The following PIK3CB variants were observed in gnomAD, a reference collection of about 807,000 sequenced individuals.
PIK3CB encodes the protein phosphatidylinositol 4,5-bisphosphate 3-kinase catalytic subunit beta isoform.
PIK3CB carries 39 observed loss-of-function variants against 136.8 expected under a neutral mutation model. The observed-to-expected ratio is 0.29, with a 90% CI of 0.22 to 0.37. PIK3CB has a LOEUF of 0.37. Among genes scored for constraint, PIK3CB ranks in the 10% least tolerant of loss-of-function variants. The pLI is 1.00. For missense variants in PIK3CB, 868 were observed against 1,275.4 expected, an observed-to-expected ratio of 0.68 and a Z score of 4.87; for synonymous variants, 428 against 436.6, an observed-to-expected ratio of 0.98 and a Z score of 0.25.
chr3:138,811,233 ACT>A (rs1192078222), intron 1 of PIK3CB, among the ~76,000 whole-genome samples: 1 of 99,040 alleles, frequency 1.0e-5, no homozygotes, highest in Non-Finnish European at 1.9e-5. Context: ...ACAGAGCAAG[ACT>A]CTGCCAAAAA....
rs34470924 is a variant in PIK3CB, at chr3:138,695,931, A to ATTTTTTTTT, written c.1771-1033_1771-1025dup. Among the ~76,000 whole-genome samples, 91 of 90,714 alleles carry ATTTTTTTTT rather than the reference A, an allele frequency of 1.0e-3. 1 individual carries two copies. Among genetic ancestry groups the ATTTTTTTTT allele is most frequent in the South Asian group, 1.2e-3 (3 of 2,506 alleles). 59.5% of individuals were successfully genotyped at this position (90,714 alleles called of 152,430 possible). On this transcript the variant is annotated intron_variant, in intron 13 of 23. Transcript: ENST00000674063. ...CCACTATGCCCAGCTAATTTTTTGT[A>ATTTTTTTTT]TTTTTTTTTTTTTTTTTTTTTTTGA... is the stretch of plus-strand genomic sequence containing the variant.
At chr3:138,765,220 G>A (rs973482266) in intron 2 of PIK3CB, among the ~76,000 whole-genome samples, 4 of 152,158 alleles carry the variant, frequency 2.6e-5, no homozygotes, top group Admixed American at 2.6e-4. Flanking sequence ...AGGAGCCTGA[G>A]GCAGGAGAAT....
chr3:138,658,965 T>C (rs1008101281), intron 21 of PIK3CB, among the ~76,000 whole-genome samples: 4 of 152,244 alleles, frequency 2.6e-5, no homozygotes, highest in African/African-American at 9.6e-5. Context: ...TGCAGAGCCA[T>C]CATCCTGGGC....
chr3:138,786,362 A>AT (rs1296262206), intron 2 of PIK3CB, among the ~76,000 whole-genome samples: 14 of 150,490 alleles, frequency 9.3e-5, no homozygotes, highest in South Asian at 2.1e-4. Context: ...TTTCTATTTA[A>AT]TTTTTTTTTT....
At chr3:138,762,255 A>C (rs2108742827) in intron 2 of PIK3CB, among the ~76,000 whole-genome samples, 1 of 152,312 alleles carries the variant, frequency 6.6e-6, no homozygotes, top group South Asian at 2.1e-4. Context: ...ATCTCAAAAA[A>C]AACAAAAAAC....
chr3:138,702,121 T>A (rs1010620608), intron 12 of PIK3CB, among the ~76,000 whole-genome samples: 26 of 136,494 alleles, frequency 1.9e-4, no homozygotes, highest in Admixed American at 1.2e-3. Context: ...TTTTTTTTTT[T>A]AAAGATACAG....
intron 1 of PIK3CB, among the ~76,000 whole-genome samples, chr3:138,812,285 G>C (rs1048556697): frequency 8.8e-4 from 134 of 151,780 alleles, no homozygotes; most frequent in Non-Finnish European, 8.4e-4. Context: ...ACCCAGGCTG[G>C]AGTGCAAATG....
intron 6 of PIK3CB, 124 bp from the exon 7 acceptor site, chr3:138,734,928 A>G: frequency 1.8e-6 from 1 of 547,494 alleles, no homozygotes. Context: ...CCACAGCAGA[A>G]TATCAAGAAA....
At chr3:138,773,732 G>A (rs1156541542) in intron 2 of PIK3CB, among the ~76,000 whole-genome samples, 4 of 151,778 alleles carry the variant, frequency 2.6e-5, no homozygotes, top group African/African-American at 7.3e-5. Flanking sequence ...CTAAATGTTC[G>A]ACCGTGTTTA....
intron 1 of PIK3CB, among the ~76,000 whole-genome samples, chr3:138,826,499 G>GT (rs34843148): frequency 0.047 from 4,530 of 95,872 alleles, 42 homozygotes; most frequent in Non-Finnish European, 0.062. Flanking sequence ...GACCATTTGG[G>GT]TTTTTTTTTT....
At chr3:138,703,965 T>C (rs2044310823) in intron 12 of PIK3CB, among the ~76,000 whole-genome samples, 2 of 152,176 alleles carry the variant, frequency 1.3e-5, no homozygotes, top group South Asian at 4.1e-4. Flanking sequence ...TTCCTGTTCC[T>C]GCTGGCTGGA....
At chr3:138,796,384 C>CAAAAAAAAAAAAAAAAAAAAAAAAAA (rs71626081) in intron 2 of PIK3CB, 79 bp downstream of exon 2, 1 of 66,686 alleles carries the variant, frequency 1.5e-5, no homozygotes, top group Non-Finnish European at 2.8e-5. Context: ...GACTCCACCT[C>CAAAAAAAAAAAAAAAAAAAAAAAAAA]AAAAAAAAAA....
intron 8 of PIK3CB, among the ~76,000 whole-genome samples, chr3:138,725,574 A>C (rs986786757): frequency 6.6e-6 from 1 of 152,146 alleles, no homozygotes; most frequent in Non-Finnish European, 1.5e-5. Flanking sequence ...TGTATTGATT[A>C]ATCTTTAAGT....
Position 138,659,277 on chromosome 3 carries a change from T to C in PIK3CB, c.2797-1442A>G, listed in dbSNP as rs2043245135. ...CACTTGTTTTGGTAGATGTCCTTAT[T>C]CTGGCAGCCTCTGAGAAAAGATGCA... is the stretch of plus-strand genomic sequence containing the variant. On this transcript the variant is annotated intron_variant, in intron 21 of 23. Transcript: ENST00000674063. Among the ~76,000 whole-genome samples, 3 of 152,246 alleles carry C rather than the reference T, an allele frequency of 2.0e-5. No individual in the cohort carries two copies. In the South Asian group the frequency reaches 6.2e-4, roughly 31 times the overall value.
In PIK3CB at chr3:138,772,597, G is replaced by A. The variant is rs1249344282; in HGVS notation, c.-16-13238C>T. 4.7e-5 allele frequency among the ~76,000 whole-genome samples: 7 copies of A among 149,458 alleles called. No homozygotes were observed. The South Asian group carries it at 6.4e-4, about 14-fold the overall frequency. ...CTCAGCCTCCTGAGTAGCTAGGACT[G>A]TAAGCACACACCACCACACCCACAT... On this transcript the variant is annotated intron_variant, in intron 2 of 23. Coordinates refer to ENST00000674063, the MANE Select transcript of PIK3CB (RefSeq NM_006219.3).
chr3:138,781,526 C>T (rs1410242283), intron 2 of PIK3CB, among the ~76,000 whole-genome samples: 4 of 151,712 alleles, frequency 2.6e-5, no homozygotes, highest in Non-Finnish European at 5.9e-5. Context: ...AATCTTGGCT[C>T]ACTGCAAACT....
At chr3:138,684,534 AG>A in intron 17 of PIK3CB, 90 bp downstream of exon 17, 1 of 847,680 alleles carries the variant, frequency 1.2e-6, no homozygotes, top group South Asian at 2.6e-5. Context: ...CTACTTCCTG[AG>A]GCTGACAGCT....
intron 19 of PIK3CB, among the ~76,000 whole-genome samples, chr3:138,679,343 C>G (rs2043713204): frequency 1.3e-5 from 2 of 152,004 alleles, no homozygotes; most frequent in South Asian, 4.1e-4. Flanking sequence ...TATTTATTTA[C>G]TGAGCTAGGG....
At chr3:138,715,052 A>G (rs2044579818) in intron 8 of PIK3CB, among the ~76,000 whole-genome samples, 2 of 152,240 alleles carry the variant, frequency 1.3e-5, no homozygotes, top group South Asian at 4.1e-4. Flanking sequence ...GACAGTAAGT[A>G]TAAGCATACT....
Sources: gnomAD v4.1 joint callset for allele counts (sites outside exome capture counted in the v4.1 genomes callset) on GRCh38, gnomAD v4.1.1 for gene constraint, MANE v1.5 for transcripts, NCBI Gene and HGNC (gene_info 2026-07-23, HGNC 2026-07-21) for gene names.